PARD3B: variants seen among roughly 807,000 people sequenced by gnomAD.
PARD3B encodes partitioning defective 3 homolog B.
In PARD3B, 103 loss-of-function variants were observed where a neutral mutation model predicts 130.2. That is an observed-to-expected ratio of 0.79 (90% CI 0.67 to 0.93). The LOEUF (loss-of-function observed/expected upper bound fraction) is 0.93, where lower values mean the gene tolerates loss of function less well. PARD3B is among the 40% of genes least tolerant of loss of function. The pLI is 0.00. For missense variants in PARD3B, 1,609 were observed against 1,499.2 expected (o/e 1.07, Z -1.21); for synonymous variants, 583 against 553.2 (o/e 1.05, Z -0.76).
chr2:204,860,395 G>A (rs1013939718), intron 2 of PARD3B, among the ~76,000 whole-genome samples: 4 of 152,174 alleles, frequency 2.6e-5, no homozygotes, highest in Non-Finnish European at 5.9e-5. Context: ...TTCAGGCAGC[G>A]TGGCCTGGAC....
intron 2 of PARD3B, among the ~76,000 whole-genome samples, chr2:204,760,568 G>T (rs771193712): frequency 1.3e-5 from 2 of 151,916 alleles, no homozygotes; most frequent in Admixed American, 6.6e-5. Flanking sequence ...TATTAATAAG[G>T]AAGTTTCAAC....
intron 2 of PARD3B, among the ~76,000 whole-genome samples, chr2:204,795,506 G>A (rs1346193135): frequency 1.3e-5 from 2 of 152,152 alleles, no homozygotes; most frequent in African/African-American, 2.4e-5. Context: ...TTCAACAGAA[G>A]GGTCAAGGCT....
chr2:204,888,106 G>T (rs2046323797), intron 2 of PARD3B, among the ~76,000 whole-genome samples: 1 of 152,094 alleles, frequency 6.6e-6, no homozygotes. Context: ...GGCAGGCAAG[G>T]CACAAGCACC....
intron 22 of PARD3B, among the ~76,000 whole-genome samples, chr2:205,611,411 A>C (rs1221898576): frequency 1.3e-5 from 2 of 152,208 alleles, no homozygotes; most frequent in Non-Finnish European, 2.9e-5. Flanking sequence ...TCTGATTTCC[A>C]GCCCCCCTTT....
intron 2 of PARD3B, among the ~76,000 whole-genome samples, chr2:204,929,134 C>T (rs1687843728): frequency 6.6e-6 from 1 of 151,816 alleles, no homozygotes; most frequent in African/African-American, 2.4e-5. Flanking sequence ...CAGAACTTAA[C>T]CAAAAGTATT....
At chr2:204,863,655 T>C (rs1426356137) in intron 2 of PARD3B, among the ~76,000 whole-genome samples, 1 of 152,226 alleles carries the variant, frequency 6.6e-6, no homozygotes, top group East Asian at 1.9e-4. Context: ...AAATAAACTT[T>C]GGTAAGACAG....
chr2:204,689,487 T>G lies in PARD3B; in HGVS notation c.222+3205T>G, dbSNP rs1474897256. The stretch of plus-strand genomic sequence containing the variant: ...ACAGTTATTCTCAAGATTCTTCAGT[T>G]TGTCTATCAGTCTGATGATTCGAGT... On this transcript the variant is annotated intron_variant, in intron 2 of 22. Coordinates refer to ENST00000406610, the MANE Select transcript of PARD3B (RefSeq NM_001302769.2). This position sits in a 1 kb window ranked among gnomAD's most constrained non-coding sequence, Gnocchi z 5.2. Among the ~76,000 whole-genome samples the G allele has an allele frequency of 6.6e-6, 1 of 152,164 alleles. No homozygotes were observed. The highest frequency in any genetic ancestry group is 1.5e-5 in the Non-Finnish European group (1 of 68,026).
intron 5 of PARD3B, among the ~76,000 whole-genome samples, chr2:205,106,521 G>A (rs5007154): frequency 1.1e-4 from 5 of 47,596 alleles, no homozygotes; most frequent in African/African-American, 3.2e-4. Flanking sequence ...GTGTGTGTGT[G>A]TGTGTGTGTA....
Position 205,618,874 on chromosome 2 carries a change from G to T in PARD3B, c.*3061G>T, listed in dbSNP as rs1053899499. The stretch of plus-strand genomic sequence containing the variant: ...TATCAAATCAGTGGATGAAATACAA[G>T]CTCAGAAACAGGAACATTTTCCTAA... On this transcript the variant is annotated 3_prime_UTR_variant, in exon 23 of 23. Coordinates refer to ENST00000406610, the MANE Select transcript of PARD3B (RefSeq NM_001302769.2). 6.6e-6 allele frequency: 1 copy of T among 152,140 alleles called. No homozygotes were observed. The highest frequency in any genetic ancestry group is 1.5e-5 in the Non-Finnish European group (1 of 68,030). The allele number at this position is 152,140 out of a possible 1,614,324, so 9.4% of individuals were successfully genotyped here.
At position 205,590,170 on chromosome 2, in the gene PARD3B, G is replaced by GA. The variant is rs2054334060; in HGVS notation, c.3261-25282dup. ...CCGATGCTTTATTTATCCAATACAG[G>GA]AAAAGAAATCTATTGGTAGATGTAA... On this transcript the variant is annotated intron_variant, in intron 22 of 22. Coordinates refer to ENST00000406610, the MANE Select transcript of PARD3B (RefSeq NM_001302769.2). The surrounding 1 kb of genome is among the most constrained non-coding windows in gnomAD (Gnocchi z 4.1). Among the ~76,000 whole-genome samples, 1 of 152,100 alleles carries GA rather than the reference G, an allele frequency of 6.6e-6. No homozygotes were observed. The highest frequency in any genetic ancestry group is 1.5e-5 in the Non-Finnish European group (1 of 68,014).
At chr2:205,565,793 G>A (rs370348303) in intron 22 of PARD3B, among the ~76,000 whole-genome samples, 1 of 152,012 alleles carries the variant, frequency 6.6e-6, no homozygotes. Flanking sequence ...TAGGCCCTGA[G>A]GATAGCGTGA....
At chr2:204,562,705 C>T (rs1377945996) in intron 1 of PARD3B, among the ~76,000 whole-genome samples, 1 of 151,910 alleles carries the variant, frequency 6.6e-6, no homozygotes, top group Non-Finnish European at 1.5e-5. Context: ...ATAATCCTTG[C>T]CTCTGTATTT....
intron 19 of PARD3B, among the ~76,000 whole-genome samples, chr2:205,427,578 T>C (rs982980107): frequency 6.6e-5 from 10 of 152,154 alleles, no homozygotes; most frequent in African/African-American, 2.4e-4. Flanking sequence ...AAAGAAGGCA[T>C]CTAAATATAT....
At chr2:205,386,200 G>A (rs937192717) in intron 18 of PARD3B, among the ~76,000 whole-genome samples, 8 of 152,226 alleles carry the variant, frequency 5.3e-5, no homozygotes, top group African/African-American at 1.2e-4. Flanking sequence ...CTGTTTTTCC[G>A]GGAGAAGTGA....
chr2:205,530,011 C>G lies in PARD3B; in HGVS notation c.3181-23313C>G, dbSNP rs1449646315. ...ATAGAGAAACTATACCAACTGCCAC[C>G]TTGGTATAGGCAGGCAAAGAAAGGT... is the stretch of plus-strand genomic sequence containing the variant. On this transcript the variant is annotated intron_variant, in intron 21 of 22. Coordinates refer to ENST00000406610, the MANE Select transcript of PARD3B (RefSeq NM_001302769.2). This position sits in a 1 kb window ranked among gnomAD's most constrained non-coding sequence, Gnocchi z 4.7. 6.6e-6 allele frequency among the ~76,000 whole-genome samples: 1 copy of G among 152,124 alleles called. No individual in the cohort carries two copies. The highest frequency in any genetic ancestry group is 1.9e-4 in the East Asian group (1 of 5,190).
At chr2:204,803,163 A>AT (rs35691294) in intron 2 of PARD3B, among the ~76,000 whole-genome samples, 2,368 of 90,564 alleles carry the variant, frequency 0.026, 39 homozygotes, top group South Asian at 0.066. Flanking sequence ...AAAAAAAAAA[A>AT]ATATATATAT....
At chr2:205,119,242 G>A (rs1162424975) in intron 7 of PARD3B, among the ~76,000 whole-genome samples, 196 bp downstream of exon 7, 1 of 152,130 alleles carries the variant, frequency 6.6e-6, no homozygotes, top group African/African-American at 2.4e-5. Context: ...TGGCAGGTCT[G>A]AGAATGCTAA....
At chr2:204,726,003 A>T (rs1220482798) in intron 2 of PARD3B, among the ~76,000 whole-genome samples, 1 of 152,222 alleles carries the variant, frequency 6.6e-6, no homozygotes, top group African/African-American at 2.4e-5. Flanking sequence ...AGAACGCCAC[A>T]GTGGCAACCT....
intron 22 of PARD3B, 128 bp from the exon 23 acceptor site, chr2:205,615,328 T>C: frequency 1.4e-6 from 1 of 710,626 alleles, no homozygotes; most frequent in East Asian, 2.5e-5. Flanking sequence ...GTATCACTTC[T>C]GCTCCCATCC....
Sources: gnomAD v4.1 joint callset for allele counts (sites outside exome capture counted in the v4.1 genomes callset) on GRCh38, gnomAD v4.1.1 for gene constraint, Gnocchi (gnomAD v3.1) non-coding constraint, MANE v1.5 for transcripts, NCBI Gene and HGNC (gene_info 2026-07-23, HGNC 2026-07-21) for gene names.